Variants in ZNF329 observed in about 807,000 individuals in gnomAD.
The protein encoded by ZNF329 is zinc finger protein 329.
In ZNF329, 15 loss-of-function variants were observed where a neutral mutation model predicts 26.6. The ratio of observed to expected loss-of-function variants is 0.56; its 90% CI spans 0.38 to 0.87. The LOEUF is 0.87. Ranked by LOEUF, ZNF329 falls within the 40% of genes least tolerant of loss-of-function variation. ZNF329 has a pLI of 0.00. For missense variants in ZNF329, 651 were observed against 651.9 expected, an observed-to-expected ratio of 1.00 and a Z score of 0.02; for synonymous variants, 239 against 233.5, an observed-to-expected ratio of 1.02 and a Z score of -0.21.
chr19:58,128,433 G>C lies in ZNF329; in HGVS notation c.1071C>G (p.Tyr357Ter). The C allele has an allele frequency of 6.2e-7, 1 of 1,613,516 alleles. No homozygotes were observed. Among genetic ancestry groups the C allele is most frequent in the Non-Finnish European group, 8.5e-7 (1 of 1,179,788 alleles). The change falls in exon 4 of 4, where the codon TAC becomes TAG. Residue 357 changes from tyrosine (Y) to a stop codon, truncating the protein, a stop_gained. Transcript: ENST00000598312. LOFTEE classifies it high-confidence loss of function. The stretch of plus-strand genomic sequence containing the variant: ...TGTGAGTCCTCTCATGCTGGGTGAG[G>C]TACGAGCCGTCCCGGAAAGCCTTTC... ...KCGKAFRDGS[Y>*]LTQHERTHTG...
chr19:58,149,040 G>C (rs912922853), intron 1 of ZNF329, among the ~76,000 whole-genome samples: 1 of 152,154 alleles, frequency 6.6e-6, no homozygotes, highest in Non-Finnish European at 1.5e-5. Context: ...ACAAGATACA[G>C]GTCATAAAGA....
At chr19:58,129,980 A>G (rs1422493398) in intron 3 of ZNF329, among the ~76,000 whole-genome samples, 1 of 152,212 alleles carries the variant, frequency 6.6e-6, no homozygotes. Context: ...GATAGGACAA[A>G]GCACAGGCTT....
At chr19:58,148,577 G>C (rs1336369139) in intron 1 of ZNF329, among the ~76,000 whole-genome samples, 2 of 152,050 alleles carry the variant, frequency 1.3e-5, no homozygotes, top group Non-Finnish European at 2.9e-5. Context: ...TTTTGGCTGG[G>C]TGTGGTGGCT....
At chr19:58,133,831 T>TC (rs1431804267) in intron 3 of ZNF329, among the ~76,000 whole-genome samples, 6 of 145,910 alleles carry the variant, frequency 4.1e-5, no homozygotes, top group African/African-American at 1.5e-4. Context: ...AGATGTCATC[T>TC]CTTAAAAAAA....
At chr19:58,143,448 G>T (rs2075231302) in intron 1 of ZNF329, among the ~76,000 whole-genome samples, 1 of 152,076 alleles carries the variant, frequency 6.6e-6, no homozygotes, top group African/African-American at 2.4e-5. Context: ...GAAGAAGACA[G>T]CTTCCTGAAA....
rs1022035061 is a variant in ZNF329, at chr19:58,126,475, T to C, written c.*1403A>G. 2.0e-5 allele frequency: 3 copies of C among 152,214 alleles called. No individual in the cohort carries two copies. The highest frequency in any genetic ancestry group is 3.2e-3 in the Middle Eastern group (1 of 316). 9.4% of individuals were successfully genotyped at this position (152,214 alleles called of 1,614,324 possible). On this transcript the variant is annotated 3_prime_UTR_variant, in exon 4 of 4. Coordinates refer to ENST00000598312, the MANE Select transcript of ZNF329 (RefSeq NM_024620.4). ...TGCCATATTATAAACATTTTCAACA[T>C]GGCAATAAAACCTTTATAATGGTTC...
In ZNF329 at chr19:58,142,552, C is replaced by T. The variant is rs1044971328; in HGVS notation, c.-9+5G>A. On this transcript the variant is annotated splice_donor_5th_base_variant and intron_variant, in intron 3 of 3. Transcript: ENST00000598312. The stretch of plus-strand genomic sequence containing the variant: ...TCATGTAGACTTCCATTCCCTGGTA[C>T]TCACCTCTGAAAGGCAGAGGGATCC... The T allele has an allele frequency of 6.6e-6, 1 of 152,622 alleles. No individual in the cohort carries two copies. The highest frequency in any genetic ancestry group is 1.5e-5 in the Non-Finnish European group (1 of 68,048). 9.5% of individuals were successfully genotyped at this position (152,622 alleles called of 1,614,324 possible).
chr19:58,128,118 T>A lies in ZNF329; in HGVS notation c.1386A>T (p.Lys462Asn). The A allele has an allele frequency of 6.3e-7, 1 of 1,597,566 alleles. No individual in the cohort carries two copies. The highest frequency in any genetic ancestry group is 8.5e-7 in the Non-Finnish European group (1 of 1,171,852). Residue 462 changes from lysine (K) to asparagine (N), a missense_variant, in exon 4 of 4, where the codon AAA (lysine) becomes AAT (asparagine). Coordinates refer to ENST00000598312, the MANE Select transcript of ZNF329 (RefSeq NM_024620.4). ...EKPYECNQCG[K>N]AFRDSSCLTK... is the part of the protein sequence containing the mutation. ...TCAGACAGGAGCTGTCCCTGAAGGC[T>A]TTGCCACACTGATTACACTCATAGG...
intron 1 of ZNF329, among the ~76,000 whole-genome samples, chr19:58,150,288 C>G (rs1342117026): frequency 6.6e-6 from 1 of 152,230 alleles, no homozygotes; most frequent in Non-Finnish European, 1.5e-5. Context: ...GCGGCTCAGC[C>G]CACTGGCTCA....
rs767444907 is a variant in ZNF329, at chr19:58,127,959, C to A, written c.1545G>T (p.Gln515His). The A allele has an allele frequency of 3.1e-6, 5 of 1,613,852 alleles. No individual in the cohort carries two copies. In the East Asian group the frequency reaches 1.1e-4, roughly 36 times the overall value. Residue 515 changes from glutamine to histidine, a missense_variant, in exon 4 of 4, where the codon CAG becomes CAT. Physicochemically the swap from Gln to His is conservative, Grantham distance 24 (BLOSUM62 0). Transcript: ENST00000598312. ...HSREGPSRCP[Q>H]CGKMFQKSSS... ...AGCTCTTTTGGAACATTTTTCCACACTGAGGACACCGGCTGGGACCCTCCC... is the reference window on the plus strand; with the variant it reads ...AGCTCTTTTGGAACATTTTTCCACAATGAGGACACCGGCTGGGACCCTCCC...
chr19:58,129,020 G>C lies in ZNF329; in HGVS notation c.484C>G (p.Leu162Val), dbSNP rs1294730249. The C allele has an allele frequency of 6.2e-7, 1 of 1,613,560 alleles. No individual in the cohort carries two copies. Among genetic ancestry groups the C allele is most frequent in the Non-Finnish European group, 8.5e-7 (1 of 1,179,722 alleles). The change falls in exon 4 of 4, where the codon CTT becomes GTT. Residue 162 changes from leucine to valine, a missense_variant. By Grantham distance (32) the Leu-to-Val change is conservative (BLOSUM62 1). Coordinates refer to ENST00000598312, the MANE Select transcript of ZNF329 (RefSeq NM_024620.4). Reference sequence around the variant, plus strand: ...CTTTTCATTATTTTCTGATGACCAAGAGAGGTAAAATGATTAAAAGACTTA... The same window carrying C: ...CTTTTCATTATTTTCTGATGACCAACAGAGGTAAAATGATTAAAAGACTTA... ...SVKSFNHFTS[L>V]GHQKIMKRGK...
upstream of ZNF329, among the ~76,000 whole-genome samples, chr19:58,152,803 G>A (rs1600109037): frequency 6.6e-6 from 1 of 152,168 alleles, no homozygotes; most frequent in Non-Finnish European, 1.5e-5. Flanking sequence ...GTTGCAGTGA[G>A]CTGAGATCGT....
At chr19:58,145,139 G>A (rs994043192) in intron 1 of ZNF329, among the ~76,000 whole-genome samples, 4 of 150,220 alleles carry the variant, frequency 2.7e-5, no homozygotes, top group African/African-American at 5.0e-5. Context: ...GTGAGCCACC[G>A]CGCCTGGCCA....
intron 3 of ZNF329, among the ~76,000 whole-genome samples, chr19:58,133,102 G>A (rs2074985268): frequency 2.0e-5 from 3 of 152,148 alleles, no homozygotes; most frequent in Non-Finnish European, 2.9e-5. Context: ...GTGAGCCACC[G>A]CGCCTGGCCA....
At chr19:58,131,111 A>ATATGTGTGTGTGTGTG (rs1480205883) in intron 3 of ZNF329, among the ~76,000 whole-genome samples, 28 of 147,628 alleles carry the variant, frequency 1.9e-4, no homozygotes, top group African/African-American at 6.7e-4. Context: ...ATACATGTAT[A>ATATGTGTGTGTGTGTG]TGTGTATATG....
chr19:58,146,500 G>C (rs1223346077), intron 1 of ZNF329, among the ~76,000 whole-genome samples: 1 of 151,516 alleles, frequency 6.6e-6, no homozygotes, highest in Non-Finnish European at 1.5e-5. Context: ...GTGGTACCTG[G>C]TCAAGAGAGG....
intron 3 of ZNF329, among the ~76,000 whole-genome samples, chr19:58,134,137 A>T (rs1257740990): frequency 6.6e-6 from 1 of 152,224 alleles, no homozygotes. Context: ...ATATCTGGAG[A>T]TGATTTTGGT....
intron 3 of ZNF329, among the ~76,000 whole-genome samples, chr19:58,139,905 A>G (rs1449932276): frequency 6.6e-6 from 1 of 152,232 alleles, no homozygotes; most frequent in Non-Finnish European, 1.5e-5. Flanking sequence ...AAGGATATGG[A>G]AAAACTGGAA....
In ZNF329 at chr19:58,127,810, A is replaced by C; in HGVS notation, c.*68T>G. On this transcript the variant is annotated 3_prime_UTR_variant, in exon 4 of 4. Coordinates refer to ENST00000598312, the MANE Select transcript of ZNF329 (RefSeq NM_024620.4). ...CTTTTCTACTGACCAGAGAGGAGTC[A>C]GATCTAAGACACGCCTCCTAAACAC... 1 of 1,398,382 alleles carries C rather than the reference A, an allele frequency of 7.2e-7. No individual in the cohort carries two copies. Among genetic ancestry groups the C allele is most frequent in the Non-Finnish European group, 9.7e-7 (1 of 1,026,966 alleles). The allele number at this position is 1,398,382 out of a possible 1,614,324, so 86.6% of individuals were successfully genotyped here. A position where few individuals can be genotyped will look rare whatever the true frequency, so the allele number is the denominator to read the frequency against.
Sources: gnomAD v4.1 joint callset for allele counts (sites outside exome capture counted in the v4.1 genomes callset) on GRCh38, gnomAD v4.1.1 for gene constraint, MANE v1.5 for transcripts, NCBI Gene and HGNC (gene_info 2026-07-23, HGNC 2026-07-21) for gene names.